Variants in KSR2 observed in about 807,000 individuals in gnomAD.
KSR2 encodes the protein kinase suppressor of ras 2.
KSR2 carries 25 observed loss-of-function variants against 107.8 expected under a neutral mutation model. The ratio of observed to expected loss-of-function variants is 0.23; its 90% confidence interval spans 0.17 to 0.32. The LOEUF (loss-of-function observed/expected upper bound fraction) is 0.32, where lower values mean the gene tolerates loss of function less well. Among genes scored for constraint, KSR2 ranks in the 10% least tolerant of loss-of-function variants. The pLI, the probability that KSR2 is intolerant of heterozygous loss-of-function variation, is 1.00. For synonymous variants in KSR2, 480 were observed against 507.0 expected (o/e 0.95, Z 0.71); for missense variants, 887 against 1,268.9 (o/e 0.70, Z 4.57).
chr12:117,762,664 A>G (rs1267286262), intron 3 of KSR2, among the ~76,000 whole-genome samples: 9 of 152,154 alleles, frequency 5.9e-5, no homozygotes, highest in Non-Finnish European at 1.3e-4. Flanking sequence ...CACGAGTTTG[A>G]GACCAGCCTG....
At chr12:117,949,475 G>C (rs1395201460) in intron 1 of KSR2, among the ~76,000 whole-genome samples, 1 of 152,112 alleles carries the variant, frequency 6.6e-6, no homozygotes, top group Non-Finnish European at 1.5e-5. Context: ...ACAAAGCTAT[G>C]GTAAAGGAGA....
intron 7 of KSR2, among the ~76,000 whole-genome samples, chr12:117,578,818 G>A (rs1593013704): frequency 6.6e-6 from 1 of 152,104 alleles, no homozygotes; most frequent in African/African-American, 2.4e-5. Context: ...TGGTCAACTC[G>A]AGTAAGAATT....
intron 1 of KSR2, among the ~76,000 whole-genome samples, chr12:117,898,063 C>T (rs1054425923): frequency 5.3e-5 from 8 of 152,084 alleles, no homozygotes; most frequent in Non-Finnish European, 1.0e-4. Flanking sequence ...CCTGTGAACG[C>T]GTCCAGCCTC....
At chr12:117,792,307 G>A (rs1321428292) in intron 3 of KSR2, among the ~76,000 whole-genome samples, 1 of 152,026 alleles carries the variant, frequency 6.6e-6, no homozygotes, top group Admixed American at 6.5e-5. Context: ...CTGAGATCGT[G>A]CCATTGCACT....
At chr12:117,898,961 G>A (rs1029196671) in intron 1 of KSR2, among the ~76,000 whole-genome samples, 17 of 152,212 alleles carry the variant, frequency 1.1e-4, no homozygotes, top group African/African-American at 3.4e-4. Context: ...AGCAGGGCCC[G>A]ACAACCTTAG....
intron 5 of KSR2, among the ~76,000 whole-genome samples, chr12:117,598,099 A>G (rs1450570330): frequency 1.3e-5 from 2 of 152,130 alleles, no homozygotes; most frequent in Non-Finnish European, 2.9e-5. Flanking sequence ...AGCAGTGGAC[A>G]TTGCACCCCA....
At chr12:117,892,518 C>T (rs1415550721) in intron 1 of KSR2, among the ~76,000 whole-genome samples, 1 of 152,012 alleles carries the variant, frequency 6.6e-6, no homozygotes, top group Admixed American at 6.6e-5. Context: ...TTTTCCCATA[C>T]TGGCTTCTGG....
chr12:117,702,623 C>G (rs548067072), intron 4 of KSR2, among the ~76,000 whole-genome samples: 1 of 152,230 alleles, frequency 6.6e-6, no homozygotes, highest in Non-Finnish European at 1.5e-5. Context: ...GGTGTCAAAC[C>G]GGGACATTGA....
intron 19 of KSR2, among the ~76,000 whole-genome samples, chr12:117,469,262 A>T (rs1312040621): frequency 6.6e-6 from 1 of 152,192 alleles, no homozygotes; most frequent in East Asian, 1.9e-4. Context: ...CTGCCATGAC[A>T]GGGGCAGGCT....
intron 16 of KSR2, among the ~76,000 whole-genome samples, chr12:117,477,690 A>G (rs2137126376): frequency 6.6e-6 from 1 of 152,372 alleles, no homozygotes; most frequent in Non-Finnish European, 1.5e-5. Context: ...CAAAGTTCCA[A>G]CAAGGGCCCC....
Position 117,761,480 on chromosome 12 carries a change from TC to T in KSR2, c.516del (p.Thr173GlnfsTer99), listed in dbSNP as rs762373413. 2 of 1,613,280 alleles carry T rather than the reference TC, an allele frequency of 1.2e-6. No individual in the cohort carries two copies. The highest frequency in any genetic ancestry group is 1.7e-6 in the Non-Finnish European group (2 of 1,179,634). Reference protein sequence around the residue: ...SKQDWTIQWPTTETGKENNPV... With the variant: ...SKQDWTIQWPXTETGKENNPV... ...GGATTGTTCTCCTTCCCCGTCTCTGTCGTGGGCCACTGGATGGTCCAGTCTT... is the reference window on the plus strand; with the variant it reads ...GGATTGTTCTCCTTCCCCGTCTCTGTGTGGGCCACTGGATGGTCCAGTCTT... On this transcript the variant is annotated frameshift_variant, in exon 4 of 20. Coordinates refer to ENST00000339824, the MANE Select transcript of KSR2 (RefSeq NM_173598.6). LOFTEE classifies it high-confidence loss of function.
chr12:117,683,413 C>T (rs370847051), intron 4 of KSR2, among the ~76,000 whole-genome samples: 1 of 152,124 alleles, frequency 6.6e-6, no homozygotes, highest in Admixed American at 6.5e-5. Context: ...TCCTAAATGG[C>T]TGCTATAAGT....
rs1361657855 is a variant in KSR2 at position 117,458,209 on chromosome 12, T to A, written c.*8990A>T. ...CACTGAATTCCAGACAAACCCAGAATGCCAGCATCTGTGTGAGGACACAAA... is the reference window on the plus strand; with the variant it reads ...CACTGAATTCCAGACAAACCCAGAAAGCCAGCATCTGTGTGAGGACACAAA... On this transcript the variant is annotated 3_prime_UTR_variant, in exon 20 of 20. Transcript: ENST00000339824. 2 of 152,202 alleles carry A rather than the reference T, an allele frequency of 1.3e-5. No individual in the cohort carries two copies. Among genetic ancestry groups the A allele is most frequent in the Non-Finnish European group, 2.9e-5 (2 of 68,038 alleles). 9.4% of individuals were successfully genotyped at this position (152,202 alleles called of 1,614,324 possible).
intron 4 of KSR2, among the ~76,000 whole-genome samples, chr12:117,694,240 G>T (rs1022869934): frequency 1.3e-5 from 2 of 152,154 alleles, no homozygotes; most frequent in Non-Finnish European, 2.9e-5. Flanking sequence ...ACAGGTCAAG[G>T]GCAGGGCCAG....
At chr12:117,949,578 A>C (rs1336766377) in intron 1 of KSR2, among the ~76,000 whole-genome samples, 1 of 152,216 alleles carries the variant, frequency 6.6e-6, no homozygotes, top group Non-Finnish European at 1.5e-5. Context: ...TATATCCTGA[A>C]TTGTGGCAGT....
At chr12:117,625,685 C>T (rs1654728279) in intron 5 of KSR2, among the ~76,000 whole-genome samples, 1 of 152,120 alleles carries the variant, frequency 6.6e-6, no homozygotes, top group African/African-American at 2.4e-5. Flanking sequence ...GTGTCTCTGC[C>T]AGGCTTTGGT....
chr12:117,788,209 C>T (rs1890141795), intron 3 of KSR2, among the ~76,000 whole-genome samples: 3 of 152,158 alleles, frequency 2.0e-5, no homozygotes, highest in African/African-American at 7.2e-5. Flanking sequence ...ACCAAGATCT[C>T]CTCTGAAACA....
intron 3 of KSR2, among the ~76,000 whole-genome samples, chr12:117,794,630 ACACAC>A (rs1377008892): frequency 2.7e-5 from 4 of 148,038 alleles, no homozygotes; most frequent in South Asian, 2.2e-4. Context: ...CCATACACAC[ACACAC>A]CAATATGCAC....
intron 1 of KSR2, among the ~76,000 whole-genome samples, chr12:117,952,536 T>A (rs1359092329): frequency 1.3e-5 from 2 of 151,248 alleles, no homozygotes. Flanking sequence ...ATTAGCCAGG[T>A]GTGGTGGCAT....
Sources: gnomAD v4.1 joint callset for allele counts (sites outside exome capture counted in the v4.1 genomes callset) on GRCh38, gnomAD v4.1.1 for gene constraint, MANE v1.5 for transcripts, NCBI Gene and HGNC (gene_info 2026-07-23, HGNC 2026-07-21) for gene names.